The following DGKB variants were observed in gnomAD, a reference collection of about 807,000 sequenced individuals.
DGKB encodes diacylglycerol kinase beta, also known as 90 kDa diacylglycerol kinase.
Under a neutral mutation model 114.3 loss-of-function variants are expected in DGKB, and 67 were observed. The ratio of observed to expected loss-of-function variants is 0.59; its 90% confidence interval spans 0.48 to 0.72. DGKB has a LOEUF of 0.72. Among genes scored for constraint, DGKB ranks in the 30% least tolerant of loss-of-function variants. The probability of loss-of-function intolerance (pLI) is 0.00; values close to 1 mark genes in which losing one functional copy is unlikely to be tolerated. For missense variants in DGKB, 907 were observed against 975.2 expected (o/e 0.93, Z 0.93); for synonymous variants, 398 against 323.1 (o/e 1.23, Z -2.49).
intron 13 of DGKB, among the ~76,000 whole-genome samples, chr7:14,662,354 G>A (rs1393149932): frequency 1.3e-5 from 2 of 151,798 alleles, no homozygotes; most frequent in African/African-American, 4.8e-5. Context: ...CAAATGTTCT[G>A]TTTTAGGAAA....
At chr7:14,167,738 C>T (rs6978153) in intron 25 of DGKB, among the ~76,000 whole-genome samples, 9,014 of 152,166 alleles carry the variant, frequency 0.059, 680 homozygotes, top group African/African-American at 0.17. Flanking sequence ...GAAAACCAAA[C>T]AAACATACTG....
chr7:14,826,576 A>T (rs115798504), intron 2 of DGKB, among the ~76,000 whole-genome samples: 1 of 152,244 alleles, frequency 6.6e-6, no homozygotes, highest in African/African-American at 2.4e-5. Flanking sequence ...ATATATCAAG[A>T]GCCAGTATAG....
At chr7:14,598,777 G>A (rs989819954) in intron 17 of DGKB, among the ~76,000 whole-genome samples, 32 of 152,144 alleles carry the variant, frequency 2.1e-4, no homozygotes, top group South Asian at 2.1e-4. Context: ...AAACATTGAG[G>A]AAGTATATTC....
At chr7:14,574,771 T>A (rs895833491) in intron 19 of DGKB, among the ~76,000 whole-genome samples, 10 of 152,178 alleles carry the variant, frequency 6.6e-5, no homozygotes, top group African/African-American at 2.2e-4. Flanking sequence ...GAAACGTGGA[T>A]GACATTTTAG....
chr7:14,373,774 T>C (rs2128660460), intron 21 of DGKB, among the ~76,000 whole-genome samples: 1 of 152,320 alleles, frequency 6.6e-6, no homozygotes, highest in Admixed American at 6.5e-5. Flanking sequence ...CCATGGTAGA[T>C]GACTCCCACT....
chr7:14,228,758 C>A (rs558245154), intron 23 of DGKB, among the ~76,000 whole-genome samples: 4 of 152,158 alleles, frequency 2.6e-5, no homozygotes, highest in Admixed American at 2.6e-4. Context: ...AATACTCAAC[C>A]TCTACCATTG....
intron 23 of DGKB, among the ~76,000 whole-genome samples, chr7:14,223,281 A>G (rs1172066537): frequency 1.3e-5 from 2 of 151,510 alleles, no homozygotes; most frequent in East Asian, 1.9e-4. Flanking sequence ...TCTTTTTACT[A>G]TCTCTTCTTA....
intron 21 of DGKB, among the ~76,000 whole-genome samples, chr7:14,346,315 A>G (rs1041849876): frequency 2.6e-5 from 4 of 151,916 alleles, no homozygotes; most frequent in African/African-American, 9.7e-5. Context: ...CATTAAACCT[A>G]ATAGAGTGCT....
chr7:14,245,345 A>C (rs1005301991), intron 23 of DGKB, among the ~76,000 whole-genome samples: 1 of 152,206 alleles, frequency 6.6e-6, no homozygotes, highest in African/African-American at 2.4e-5. Flanking sequence ...AATGTAATTG[A>C]TTAAACAAAA....
chr7:14,668,024 T>A (rs531720808), intron 13 of DGKB, among the ~76,000 whole-genome samples: 6 of 152,224 alleles, frequency 3.9e-5, no homozygotes, highest in Non-Finnish European at 8.8e-5. Context: ...TTGATCCAGT[T>A]AAAGACCCTT....
At chr7:14,203,932 T>A (rs12699578) in intron 23 of DGKB, among the ~76,000 whole-genome samples, 1,612 of 152,042 alleles carry the variant, frequency 0.011, 17 homozygotes, top group Non-Finnish European at 0.019. Context: ...TCTGGTCTGA[T>A]AACATGGATA....
At chr7:14,590,039 C>A (rs1189363) in intron 17 of DGKB, among the ~76,000 whole-genome samples, 1 of 149,440 alleles carries the variant, frequency 6.7e-6, no homozygotes, top group Non-Finnish European at 1.5e-5. Context: ...AGGGATAGCA[C>A]TGGGAGATAT....
At chr7:14,957,645 TGTTTCTATTTCA>T (rs1786588670) in intron 1 of DGKB, among the ~76,000 whole-genome samples, 1 of 152,096 alleles carries the variant, frequency 6.6e-6, no homozygotes. Context: ...CTTTGTTAAC[TGTTTCTATTTCA>T]TATAAGACTG....
chr7:14,725,035 G>A (rs1183719477), intron 5 of DGKB, among the ~76,000 whole-genome samples: 2 of 152,086 alleles, frequency 1.3e-5, no homozygotes, highest in African/African-American at 4.8e-5. Context: ...ACCCATTTGG[G>A]GTGGCATGCA....
At chr7:14,730,335 G>T (rs898792430) in intron 5 of DGKB, among the ~76,000 whole-genome samples, 1 of 152,184 alleles carries the variant, frequency 6.6e-6, no homozygotes, top group Non-Finnish European at 1.5e-5. Context: ...ATGGTGTCTT[G>T]TAAAAGTACC....
At chr7:14,273,068 A>G (rs1015159738) in intron 23 of DGKB, among the ~76,000 whole-genome samples, 1 of 152,098 alleles carries the variant, frequency 6.6e-6, no homozygotes, top group African/African-American at 2.4e-5. Context: ...AGTGGGGTCT[A>G]GCATGGTGAC....
chr7:14,290,024 G>T (rs1801509015), intron 23 of DGKB, among the ~76,000 whole-genome samples: 1 of 152,092 alleles, frequency 6.6e-6, no homozygotes, highest in Non-Finnish European at 1.5e-5. Flanking sequence ...CAAAATATAT[G>T]TAGCAAGTCT....
At chr7:14,761,642 C>A (rs983088674) in intron 2 of DGKB, among the ~76,000 whole-genome samples, 1 of 152,160 alleles carries the variant, frequency 6.6e-6, no homozygotes, top group Admixed American at 6.5e-5. Context: ...TAAGACGTGG[C>A]CTCAGTCATA....
intron 23 of DGKB, among the ~76,000 whole-genome samples, chr7:14,305,226 G>A (rs533967599): frequency 4.6e-4 from 70 of 152,102 alleles, no homozygotes; most frequent in African/African-American, 1.6e-3. Flanking sequence ...ACACTAGAAC[G>A]TATTCCTTCT....
Sources: allele counts gnomAD v4.1 joint callset (sites outside exome capture counted in the v4.1 genomes callset), GRCh38; gene constraint gnomAD v4.1.1; transcripts MANE v1.5; gene names NCBI Gene and HGNC (gene_info 2026-07-23, HGNC 2026-07-21).